Variants in SLC14A2 observed in about 807,000 individuals in gnomAD.
SLC14A2 encodes the protein solute carrier family 14 member 2, also known as urea transporter 2.
Under a neutral mutation model 104.6 loss-of-function variants are expected in SLC14A2, and 91 were observed. That is an observed-to-expected ratio of 0.87 (90% CI 0.73 to 1.04). The LOEUF (loss-of-function observed/expected upper bound fraction) is 1.04, where lower values mean the gene tolerates loss of function less well. Among genes scored for constraint, SLC14A2 ranks in the 50% least tolerant of loss-of-function variants. The pLI, the probability that SLC14A2 is intolerant of heterozygous loss-of-function variation, is 0.00. For missense variants in SLC14A2, 1,189 were observed against 1,156.0 expected (o/e 1.03, Z -0.41); for synonymous variants, 476 against 466.4 (o/e 1.02, Z -0.27).
chr18:45,185,957 G>T, the SLC14A2 span, among the ~76,000 whole-genome samples: 1 of 152,028 alleles, frequency 6.6e-6, no homozygotes, highest in African/African-American at 2.4e-5. Context: ...ACAGAATATT[G>T]CTATGAGAAA....
At chr18:45,624,966 T>C (rs1317661218) in intron 2 of SLC14A2, 152 bp downstream of exon 2, 2 of 704,056 alleles carry the variant, frequency 2.8e-6, no homozygotes, top group East Asian at 2.8e-5. Flanking sequence ...GGGTCCTACC[T>C]GGCCTTAGAT....
At chr18:45,595,483 C>G (rs1301623553) in intron 2 of SLC14A2, among the ~76,000 whole-genome samples, 1 of 152,046 alleles carries the variant, frequency 6.6e-6, no homozygotes, top group Non-Finnish European at 1.5e-5. Flanking sequence ...ACTTTTGCCA[C>G]TGCATTTAGA....
At chr18:45,418,276 A>T (rs2086299867) in intron 1 of SLC14A2, among the ~76,000 whole-genome samples, 1 of 152,164 alleles carries the variant, frequency 6.6e-6, no homozygotes, top group South Asian at 2.1e-4. Context: ...GACATAAAGA[A>T]CCTGGATAGT....
chr18:45,659,926 A>G (rs999014965), intron 10 of SLC14A2, among the ~76,000 whole-genome samples: 1 of 147,348 alleles, frequency 6.8e-6, no homozygotes, highest in Non-Finnish European at 1.5e-5. Context: ...GGAGTTTGGG[A>G]CCAGCCTGGT....
intron 1 of SLC14A2, among the ~76,000 whole-genome samples, chr18:45,259,804 A>G (rs1383127680): frequency 6.6e-6 from 1 of 152,216 alleles, no homozygotes; most frequent in Non-Finnish European, 1.5e-5. Flanking sequence ...CTGAAGGTAT[A>G]TTCTTGGAAG....
At chr18:45,512,944 A>G (rs2043387391) in intron 2 of SLC14A2, among the ~76,000 whole-genome samples, 1 of 152,164 alleles carries the variant, frequency 6.6e-6, no homozygotes, top group Non-Finnish European at 1.5e-5. Flanking sequence ...GGTTCTGTCT[A>G]CTCAGGGTGT....
At chr18:45,272,197 A>T (rs576389004) in intron 1 of SLC14A2, among the ~76,000 whole-genome samples, 1 of 152,202 alleles carries the variant, frequency 6.6e-6, no homozygotes, top group South Asian at 2.1e-4. Context: ...TTCCTCAAAA[A>T]ACTGAAAATT....
At chr18:45,613,235 C>T (rs376234824), upstream of SLC14A2, among the ~76,000 whole-genome samples, 6 of 152,150 alleles carry the variant, frequency 3.9e-5, no homozygotes, top group African/African-American at 1.4e-4. Context: ...GGGGTTTCAC[C>T]GTGGTCTTGA....
intron 10 of SLC14A2, among the ~76,000 whole-genome samples, chr18:45,654,941 C>T (rs550744958): frequency 1.3e-5 from 2 of 152,282 alleles, no homozygotes; most frequent in African/African-American, 4.8e-5. Context: ...TCTGGGATGT[C>T]ACCTCTGGCT....
At chr18:45,462,743 G>C (rs1410739254) in intron 1 of SLC14A2, among the ~76,000 whole-genome samples, 2 of 152,162 alleles carry the variant, frequency 1.3e-5, no homozygotes, top group East Asian at 3.9e-4. Flanking sequence ...GTTACAATCT[G>C]AATCAATCTG....
At chr18:45,406,112 T>C (rs1221018511) in intron 1 of SLC14A2, among the ~76,000 whole-genome samples, 1 of 152,142 alleles carries the variant, frequency 6.6e-6, no homozygotes, top group Non-Finnish European at 1.5e-5. Flanking sequence ...TATTTGATAG[T>C]ATTTCACTCA....
At chr18:45,326,067 C>G (rs1458174508) in intron 1 of SLC14A2, among the ~76,000 whole-genome samples, 2 of 152,236 alleles carry the variant, frequency 1.3e-5, no homozygotes, top group Non-Finnish European at 2.9e-5. Context: ...TCACACCCAC[C>G]CAGGCCTCCT....
intron 1 of SLC14A2, among the ~76,000 whole-genome samples, chr18:45,620,649 T>G (rs1016408724): frequency 6.6e-6 from 1 of 152,158 alleles, no homozygotes; most frequent in African/African-American, 2.4e-5. Context: ...GACACATTTT[T>G]TTTTCATCAA....
the SLC14A2 span, among the ~76,000 whole-genome samples, chr18:45,180,549 G>C: frequency 6.6e-6 from 1 of 152,114 alleles, no homozygotes; most frequent in Non-Finnish European, 1.5e-5. Context: ...CAGAATTTGA[G>C]ACATGAGTTA....
At chr18:45,514,071 G>GA (rs1270619330) in intron 2 of SLC14A2, among the ~76,000 whole-genome samples, 5 of 152,166 alleles carry the variant, frequency 3.3e-5, no homozygotes, top group East Asian at 1.9e-4. Flanking sequence ...CCAGCAGATG[G>GA]AAAAAAACAT....
chr18:45,615,212 T>G (rs758369618), upstream of SLC14A2: 8 of 152,222 alleles, frequency 5.3e-5, no homozygotes, highest in Non-Finnish European at 7.3e-5. Flanking sequence ...TGGGGGACTG[T>G]TGCTAAGGCA....
At chr18:45,304,745 G>A (rs533212312) in intron 1 of SLC14A2, among the ~76,000 whole-genome samples, 11 of 152,276 alleles carry the variant, frequency 7.2e-5, no homozygotes, top group African/African-American at 2.4e-4. Context: ...TCCTACCCCA[G>A]GGACCCTGAG....
At chr18:45,676,941 C>T (rs2046237618) in intron 18 of SLC14A2, among the ~76,000 whole-genome samples, 1 of 152,184 alleles carries the variant, frequency 6.6e-6, no homozygotes, top group African/African-American at 2.4e-5. Context: ...GTAAAAAAAT[C>T]CAAGCCCAGA....
intron 1 of SLC14A2, among the ~76,000 whole-genome samples, chr18:45,618,115 A>G (rs1016172984): frequency 3.0e-4 from 45 of 152,160 alleles, no homozygotes; most frequent in Non-Finnish European, 6.0e-4. Flanking sequence ...GCTGTTCTCA[A>G]CAAGACCAAC....
Sources: gnomAD v4.1 joint callset for allele counts (sites outside exome capture counted in the v4.1 genomes callset) on GRCh38, gnomAD v4.1.1 for gene constraint, MANE v1.5 for transcripts, NCBI Gene and HGNC (gene_info 2026-07-23, HGNC 2026-07-21) for gene names.